The following PTPN22 variants were observed in gnomAD, a reference collection of about 807,000 sequenced individuals.
PTPN22 encodes the protein protein tyrosine phosphatase non-receptor type 22.
Under a neutral mutation model 103.3 loss-of-function variants are expected in PTPN22, and 85 were observed. That is an observed-to-expected ratio of 0.82 (90% confidence interval 0.69 to 0.99). The LOEUF is 0.99. Ranked by LOEUF, PTPN22 falls within the 50% of genes least tolerant of loss-of-function variation. The pLI, the probability that PTPN22 is intolerant of heterozygous loss-of-function variation, is 0.00. For synonymous variants in PTPN22, 323 were observed against 310.2 expected (o/e 1.04, Z -0.43); for missense variants, 865 against 936.9 (o/e 0.92, Z 1.00).
At chr1:113,867,449 G>T (rs1282278848) in intron 1 of PTPN22, among the ~76,000 whole-genome samples, 1 of 152,128 alleles carries the variant, frequency 6.6e-6, no homozygotes, top group Admixed American at 6.5e-5. Flanking sequence ...AATGACATTT[G>T]TAGCTATTTC....
chr1:113,850,988 A>AG (rs1664521452), intron 10 of PTPN22, among the ~76,000 whole-genome samples: 1 of 152,198 alleles, frequency 6.6e-6, no homozygotes. Flanking sequence ...TTAGAAAACT[A>AG]AAACTATTGG....
chr1:113,824,352 G>A (rs918641637), intron 19 of PTPN22, among the ~76,000 whole-genome samples: 1 of 151,634 alleles, frequency 6.6e-6, no homozygotes, highest in African/African-American at 2.4e-5. Context: ...CACCTGCCTC[G>A]GCCTCCCAAA....
intron 10 of PTPN22, 142 bp from the exon 11 acceptor site, chr1:113,848,768 A>G: frequency 1.3e-6 from 1 of 746,814 alleles, no homozygotes; most frequent in Non-Finnish European, 2.2e-6. Context: ...TATTAAACTT[A>G]CTAACAATGC....
exon 21 of PTPN22, chr1:113,813,974 AT>A (rs1231795553): frequency 6.6e-6 from 1 of 152,204 alleles, no homozygotes; most frequent in Non-Finnish European, 1.5e-5. Flanking sequence ...AAAGTTATAA[AT>A]AAAGTTATTT....
intron 1 of PTPN22, among the ~76,000 whole-genome samples, chr1:113,869,935 T>C (rs1251543379): frequency 6.6e-6 from 1 of 152,178 alleles, no homozygotes; most frequent in African/African-American, 2.4e-5. Flanking sequence ...ACCACAAGAT[T>C]ATCCATGTTG....
exon 14 of PTPN22, chr1:113,834,936 T>A: frequency 5.1e-6 from 8 of 1,581,296 alleles, no homozygotes; most frequent in Non-Finnish European, 6.0e-6. Context: ...AATAAATGAT[T>A]CAGGTGTCCA....
At chr1:113,834,959 A>C in exon 14 of PTPN22, 1 of 1,571,766 alleles carries the variant, frequency 6.4e-7, no homozygotes, top group Non-Finnish European at 8.6e-7. Flanking sequence ...CAGGAAGTGG[A>C]GGGGGGATTT....
chr1:113,824,034 A>T (rs985629445), intron 19 of PTPN22, among the ~76,000 whole-genome samples: 1 of 152,062 alleles, frequency 6.6e-6, no homozygotes, highest in African/African-American at 2.4e-5. Flanking sequence ...GTACCAGTTT[A>T]ATGTCAAATA....
At chr1:113,844,369 G>A (rs540907730) in intron 11 of PTPN22, among the ~76,000 whole-genome samples, 3 of 152,300 alleles carry the variant, frequency 2.0e-5, no homozygotes, top group East Asian at 3.9e-4. Flanking sequence ...CAGGAGAATC[G>A]CTTGAACCTG....
At chr1:113,853,352 C>CTTT (rs1314425403) in intron 9 of PTPN22, among the ~76,000 whole-genome samples, 1 of 130,330 alleles carries the variant, frequency 7.7e-6, no homozygotes, top group Non-Finnish European at 1.6e-5. Context: ...CTTTTTCTTT[C>CTTT]TTTTTTTTTT....
At chr1:113,835,141 A>T in intron 13 of PTPN22, 148 bp from the exon 14 acceptor site, 3 of 475,610 alleles carry the variant, frequency 6.3e-6, no homozygotes, top group Non-Finnish European at 1.0e-5. Context: ...ACACTTGTTC[A>T]TTCAAGGAAA....
intron 19 of PTPN22, among the ~76,000 whole-genome samples, chr1:113,824,837 A>G (rs576974811): frequency 2.0e-5 from 3 of 152,176 alleles, no homozygotes; most frequent in African/African-American, 7.2e-5. Context: ...CATCTCTGCT[A>G]TTAAAATAAA....
intron 20 of PTPN22, among the ~76,000 whole-genome samples, chr1:113,817,181 T>G (rs1661233163): frequency 6.6e-6 from 1 of 152,178 alleles, no homozygotes; most frequent in South Asian, 2.1e-4. Context: ...ATCACTTGAT[T>G]GTAACCCAAG....
chr1:113,860,472 T>A (rs1336076302), intron 1 of PTPN22, among the ~76,000 whole-genome samples: 2 of 152,204 alleles, frequency 1.3e-5, no homozygotes, highest in Non-Finnish European at 2.9e-5. Context: ...TAGTTTGAAT[T>A]CCTCTGGATT....
At chr1:113,843,102 A>AAAAAAAAAAAAAG (rs1663732051) in intron 11 of PTPN22, among the ~76,000 whole-genome samples, 2 of 145,290 alleles carry the variant, frequency 1.4e-5, no homozygotes, top group Non-Finnish European at 3.0e-5. Context: ...TCCGTCTCAA[A>AAAAAAAAAAAAAG]AAAAAAAAAA....
At chr1:113,840,288 A>G (rs1331957018) in intron 11 of PTPN22, among the ~76,000 whole-genome samples, 2 of 152,130 alleles carry the variant, frequency 1.3e-5, no homozygotes, top group African/African-American at 4.8e-5. Flanking sequence ...ACATGATTTT[A>G]TATATGGGAT....
chr1:113,858,476 A>T lies in PTPN22; in HGVS notation c.369+2T>A. ...AAGTAACAAAAGCAACACCATACTT[A>T]CAAGGACACTATATTCCCAAATCAT... is the stretch of plus-strand genomic sequence containing the variant. On this transcript the variant is annotated splice_donor_variant, in intron 4 of 20. Transcript: ENST00000359785. LOFTEE classifies it high-confidence loss of function. 1 of 1,567,538 alleles carries T rather than the reference A, an allele frequency of 6.4e-7. No individual in the cohort carries two copies.
chr1:113,869,513 A>G (rs2102214415), intron 1 of PTPN22, among the ~76,000 whole-genome samples: 1 of 151,720 alleles, frequency 6.6e-6, no homozygotes, highest in East Asian at 1.9e-4. Context: ...TCCTGTGTCA[A>G]CCTCTTGAGT....
chr1:113,819,667 G>GA lies in PTPN22; in HGVS notation c.2282-14dup. 2.6e-6 allele frequency: 4 copies of GA among 1,552,012 alleles called. No homozygotes were observed. The highest frequency in any genetic ancestry group is 3.5e-6 in the Non-Finnish European group (4 of 1,136,920). On this transcript the variant is annotated splice_polypyrimidine_tract_variant and intron_variant, in intron 19 of 20. Coordinates refer to ENST00000359785, the Ensembl canonical transcript of PTPN22. ...GAATTACAGATACCTAGAATCAAAAGAAAAAAATATAAGGGAAAGACTAAA... is the reference window on the plus strand; with the variant it reads ...GAATTACAGATACCTAGAATCAAAAGAAAAAAAATATAAGGGAAAGACTAAA...
Sources: gnomAD v4.1 joint callset for allele counts (sites outside exome capture counted in the v4.1 genomes callset) on GRCh38, gnomAD v4.1.1 for gene constraint, MANE v1.5 for transcripts, NCBI Gene and HGNC (gene_info 2026-07-23, HGNC 2026-07-21) for gene names.